Variants in OXR1 observed in about 807,000 individuals in gnomAD.
The protein encoded by OXR1 is oxidation resistance protein 1.
A neutral mutation model predicts 104.6 loss-of-function variants in OXR1; 41 were observed. The ratio of observed to expected loss-of-function variants is 0.39; its 90% confidence interval spans 0.31 to 0.51. OXR1 has a LOEUF of 0.51. OXR1 is among the 20% of genes least tolerant of loss of function. The pLI is 0.77. For synonymous variants in OXR1, 348 were observed against 348.4 expected (o/e 1.00, Z 0.01); for missense variants, 955 against 1,031.9 (o/e 0.93, Z 1.02).
At chr8:106,745,401 C>A (rs1396809089) in intron 15 of OXR1, among the ~76,000 whole-genome samples, 1 of 152,074 alleles carries the variant, frequency 6.6e-6, no homozygotes, top group Non-Finnish European at 1.5e-5. Context: ...AAATATTATC[C>A]AATTAACATA....
intron 2 of OXR1, among the ~76,000 whole-genome samples, chr8:106,393,341 G>T (rs548357739): frequency 6.6e-6 from 1 of 152,264 alleles, no homozygotes; most frequent in South Asian, 2.1e-4. Flanking sequence ...ACTACAGTGT[G>T]CCTGGACTCA....
chr8:106,574,879 G>A (rs1817718245), intron 3 of OXR1, among the ~76,000 whole-genome samples: 1 of 152,098 alleles, frequency 6.6e-6, no homozygotes, highest in African/African-American at 2.4e-5. Flanking sequence ...AAAAGTTTGG[G>A]AAATACTAAA....
rs769953817 is a variant in OXR1, at chr8:106,692,713, A to T, written c.526-15A>T. 5.6e-4 allele frequency: 126 copies of T among 226,882 alleles called. No individual in the cohort carries two copies. The highest frequency in any genetic ancestry group is 7.8e-4 in the Non-Finnish European group (104 of 134,082). The allele number at this position is 226,882 out of a possible 1,614,324, so 14.1% of individuals were successfully genotyped here. On this transcript the variant is annotated splice_polypyrimidine_tract_variant and intron_variant, in intron 6 of 16. Coordinates refer to ENST00000517566, the MANE Select transcript of OXR1 (RefSeq NM_001198533.2). ...TTCTGCTTTTTTTTTTCTTTCCTTT[A>T]AAAAAAAAAAAAAGAATCCTGATGT...
At chr8:106,712,684 C>A (rs996322279) in intron 10 of OXR1, among the ~76,000 whole-genome samples, 2 of 151,946 alleles carry the variant, frequency 1.3e-5, no homozygotes, top group Admixed American at 1.3e-4. Context: ...CCCACTCCAC[C>A]ATATATAGAG....
At chr8:106,292,757 CAG>C (rs926794908) in intron 1 of OXR1, among the ~76,000 whole-genome samples, 6 of 152,138 alleles carry the variant, frequency 3.9e-5, no homozygotes, top group Non-Finnish European at 7.3e-5. Flanking sequence ...GATAAGAAGA[CAG>C]GGAGGCACCA....
At chr8:106,510,380 T>A (rs1359521881) in intron 2 of OXR1, among the ~76,000 whole-genome samples, 1 of 152,192 alleles carries the variant, frequency 6.6e-6, no homozygotes, top group East Asian at 1.9e-4. Flanking sequence ...GCACTTCTAA[T>A]AGAAAATGCT....
chr8:106,573,094 C>T (rs552489939), intron 3 of OXR1, among the ~76,000 whole-genome samples: 1 of 152,224 alleles, frequency 6.6e-6, no homozygotes, highest in Non-Finnish European at 1.5e-5. Context: ...TATCCCAGCT[C>T]AAGCAGTCAG....
intron 2 of OXR1, among the ~76,000 whole-genome samples, chr8:106,494,948 G>A (rs539531228): frequency 4.6e-5 from 7 of 152,194 alleles, no homozygotes; most frequent in South Asian, 4.1e-4. Flanking sequence ...GAGCACAGAC[G>A]TTTCTACCTT....
At chr8:106,513,603 A>T (rs1192911891) in intron 2 of OXR1, among the ~76,000 whole-genome samples, 1 of 152,176 alleles carries the variant, frequency 6.6e-6, no homozygotes, top group Non-Finnish European at 1.5e-5. Context: ...CCTCCTTCAA[A>T]ATGCAGTGCA....
intron 3 of OXR1, among the ~76,000 whole-genome samples, chr8:106,569,099 C>A (rs1049706913): frequency 6.6e-6 from 1 of 152,052 alleles, no homozygotes; most frequent in Non-Finnish European, 1.5e-5. Context: ...TACAATTCTG[C>A]AGCATCACTT....
chr8:106,379,697 C>T (rs556014109), intron 2 of OXR1, among the ~76,000 whole-genome samples: 1 of 152,018 alleles, frequency 6.6e-6, no homozygotes, highest in East Asian at 1.9e-4. Flanking sequence ...GTCATCACAC[C>T]TGGCTAAGTT....
At chr8:106,309,654 A>G (rs925751557) in intron 1 of OXR1, among the ~76,000 whole-genome samples, 1 of 151,780 alleles carries the variant, frequency 6.6e-6, no homozygotes, top group Non-Finnish European at 1.5e-5. Context: ...TTTGAGAGAT[A>G]AAATTTGTTT....
chr8:106,321,143 TA>T (rs1814197444), intron 1 of OXR1, among the ~76,000 whole-genome samples: 1 of 152,346 alleles, frequency 6.6e-6, no homozygotes, highest in South Asian at 2.1e-4. Context: ...AATAAGAAGT[TA>T]AAAAATAGTT....
chr8:106,521,195 C>G (rs897230616), intron 3 of OXR1, among the ~76,000 whole-genome samples: 5 of 152,146 alleles, frequency 3.3e-5, no homozygotes, highest in African/African-American at 9.7e-5. Context: ...GTTCCCTTTA[C>G]AAAACAAATG....
rs1241733807 is a variant in OXR1 at position 106,359,712 on chromosome 8, G to A, written c.23+76G>A. On this transcript the variant is annotated intron_variant, in intron 2 of 16. Transcript: ENST00000517566. ...CAGTATTTTCTGAGGGAGTCGTACA[G>A]GCAGAACTTGGGCAGAGAGAAAACT... The A allele has an allele frequency of 1.5e-5, 16 of 1,051,962 alleles. No individual in the cohort carries two copies. In the Admixed American group the frequency reaches 2.8e-4, roughly 18 times the overall value. 65.2% of individuals were successfully genotyped at this position (1,051,962 alleles called of 1,614,324 possible). A position where few individuals can be genotyped will look rare whatever the true frequency, so the allele number is the denominator to read the frequency against.
intron 2 of OXR1, among the ~76,000 whole-genome samples, chr8:106,458,883 T>C (rs1820753151): frequency 6.6e-6 from 1 of 152,184 alleles, no homozygotes; most frequent in African/African-American, 2.4e-5. Flanking sequence ...TGTCCTACCA[T>C]TGTTTTTTGG....
At chr8:106,381,196 C>A (rs908649884) in intron 2 of OXR1, among the ~76,000 whole-genome samples, 2 of 151,986 alleles carry the variant, frequency 1.3e-5, no homozygotes, top group Non-Finnish European at 2.9e-5. Flanking sequence ...AACCTGTGAA[C>A]AATGATCTTA....
chr8:106,286,704 G>A (rs138761138), intron 1 of OXR1, among the ~76,000 whole-genome samples: 60 of 152,168 alleles, frequency 3.9e-4, no homozygotes, highest in African/African-American at 1.2e-3. Context: ...AAATGAGCTG[G>A]ATGAATCCTA....
chr8:106,357,875 A>G (rs947857864), intron 1 of OXR1, among the ~76,000 whole-genome samples: 1 of 152,140 alleles, frequency 6.6e-6, no homozygotes, highest in African/African-American at 2.4e-5. Context: ...GGTCAAGGTC[A>G]CCAAGTCTCA....
Sources: gnomAD v4.1 joint callset for allele counts (sites outside exome capture counted in the v4.1 genomes callset) on GRCh38, gnomAD v4.1.1 for gene constraint, MANE v1.5 for transcripts, NCBI Gene and HGNC (gene_info 2026-07-23, HGNC 2026-07-21) for gene names.